Variants in PTPN13 observed in about 807,000 individuals in gnomAD.
The protein encoded by PTPN13 is tyrosine-protein phosphatase non-receptor type 13.
PTPN13 carries 191 observed loss-of-function variants against 284.0 expected under a neutral mutation model. The ratio of observed to expected loss-of-function variants is 0.67; its 90% CI spans 0.60 to 0.76. The LOEUF (loss-of-function observed/expected upper bound fraction) is 0.76. PTPN13 is among the 30% of genes least tolerant of loss of function. The pLI, the probability that PTPN13 is intolerant of heterozygous loss-of-function variation, is 0.00. For missense variants in PTPN13, 2,797 were observed against 2,939.9 expected (o/e 0.95, Z 1.12); for synonymous variants, 986 against 1,022.3 (o/e 0.96, Z 0.68).
chr4:86,739,035 T>A (rs778745585), intron 15 of PTPN13, among the ~76,000 whole-genome samples: 11 of 152,322 alleles, frequency 7.2e-5, no homozygotes, highest in Non-Finnish European at 1.6e-4. Flanking sequence ...CAATTTTTTT[T>A]ATTTTCTAGT....
At chr4:86,808,464 A>G (rs1043028832) in intron 45 of PTPN13, among the ~76,000 whole-genome samples, 3 of 152,168 alleles carry the variant, frequency 2.0e-5, no homozygotes, top group Non-Finnish European at 4.4e-5. Context: ...CCCTCACCTT[A>G]CTACACGCCT....
chr4:86,767,160 A>T (rs980273899), intron 27 of PTPN13, among the ~76,000 whole-genome samples: 1 of 151,338 alleles, frequency 6.6e-6, no homozygotes. Flanking sequence ...TCGAACTCCT[A>T]GACAAGAAGT....
At chr4:86,751,156 C>A in intron 19 of PTPN13, 32 bp downstream of exon 19, 1 of 1,425,018 alleles carries the variant, frequency 7.0e-7, no homozygotes, top group Non-Finnish European at 9.8e-7. Flanking sequence ...TTCTTTGTCC[C>A]ATACCTCATG....
At chr4:86,672,607 G>A (rs559498372) in intron 3 of PTPN13, 64 bp downstream of exon 3, 2 of 1,284,784 alleles carry the variant, frequency 1.6e-6, no homozygotes, top group African/African-American at 1.5e-5. Context: ...TAAAGACAAT[G>A]GGCTACCATG....
intron 41 of PTPN13, among the ~76,000 whole-genome samples, chr4:86,798,836 C>T (rs1235691481): frequency 2.0e-5 from 3 of 152,122 alleles, no homozygotes; most frequent in African/African-American, 4.8e-5. Flanking sequence ...GAAATAAAAC[C>T]ACCACCTTCT....
At chr4:86,665,712 T>C (rs755916402) in intron 2 of PTPN13, among the ~76,000 whole-genome samples, 1 of 152,228 alleles carries the variant, frequency 6.6e-6, no homozygotes, top group Non-Finnish European at 1.5e-5. Flanking sequence ...TATTTTTTTC[T>C]ACGTAAAAGA....
chr4:86,621,612 T>C (rs1721258499), intron 1 of PTPN13, among the ~76,000 whole-genome samples: 1 of 152,214 alleles, frequency 6.6e-6, no homozygotes, highest in Admixed American at 6.5e-5. Flanking sequence ...TTCATCAGTT[T>C]ACTGCAGAAA....
intron 2 of PTPN13, among the ~76,000 whole-genome samples, chr4:86,645,909 TCTCA>T (rs1724371609): frequency 6.6e-6 from 1 of 152,136 alleles, no homozygotes; most frequent in Non-Finnish European, 1.5e-5. Flanking sequence ...GTTTAAGGAC[TCTCA>T]CTACCTGATC....
intron 9 of PTPN13, among the ~76,000 whole-genome samples, chr4:86,720,926 G>A (rs966277662): frequency 3.9e-5 from 6 of 151,954 alleles, no homozygotes; most frequent in Non-Finnish European, 4.4e-5. Flanking sequence ...TGACCAAAAA[G>A]GGCATTCAAA....
intron 2 of PTPN13, among the ~76,000 whole-genome samples, chr4:86,664,410 T>A (rs1003961253): frequency 4.6e-5 from 7 of 152,114 alleles, no homozygotes; most frequent in African/African-American, 1.7e-4. Context: ...TTTTTGTGTG[T>A]GTGTGGTCAG....
chr4:86,714,536 T>TTG (rs1554319411), intron 7 of PTPN13, among the ~76,000 whole-genome samples: 10 of 151,916 alleles, frequency 6.6e-5, no homozygotes, highest in Non-Finnish European at 1.2e-4. Flanking sequence ...CATTCTTCTG[T>TTG]GGGGGGGAAA....
chr4:86,702,445 C>G (rs1255279541), intron 7 of PTPN13, among the ~76,000 whole-genome samples: 1 of 152,102 alleles, frequency 6.6e-6, no homozygotes, highest in African/African-American at 2.4e-5. Flanking sequence ...CTTCATCTCT[C>G]CAAGTCTAAA....
chr4:86,798,147 A>G (rs1743569479), intron 41 of PTPN13, among the ~76,000 whole-genome samples: 1 of 152,180 alleles, frequency 6.6e-6, no homozygotes, highest in African/African-American at 2.4e-5. Context: ...GGAGCCAAAT[A>G]AGGACTCTAA....
At chr4:86,752,970 C>T in intron 19 of PTPN13, 39 bp from the exon 20 acceptor site, 1 of 1,451,974 alleles carries the variant, frequency 6.9e-7, no homozygotes, top group South Asian at 1.3e-5. Flanking sequence ...TAGCATCTGA[C>T]CATCTTATGA....
intron 1 of PTPN13, among the ~76,000 whole-genome samples, chr4:86,624,763 T>C (rs1721643742): frequency 6.6e-6 from 1 of 152,102 alleles, no homozygotes; most frequent in Admixed American, 6.6e-5. Context: ...CAGTGTGCCA[T>C]GATCATGCCT....
At chr4:86,700,062 C>T (rs1210220922) in intron 6 of PTPN13, among the ~76,000 whole-genome samples, 2 of 152,090 alleles carry the variant, frequency 1.3e-5, no homozygotes, top group Non-Finnish European at 2.9e-5. Flanking sequence ...ACAATAAAAG[C>T]ACAATGTTTT....
intron 20 of PTPN13, among the ~76,000 whole-genome samples, chr4:86,755,262 G>T (rs1415289445): frequency 6.6e-6 from 1 of 151,690 alleles, no homozygotes; most frequent in Admixed American, 6.6e-5. Context: ...AGATAAAAAA[G>T]TCATGATTCT....
chr4:86,795,935 T>C (rs1565601164), intron 40 of PTPN13, among the ~76,000 whole-genome samples: 1 of 152,112 alleles, frequency 6.6e-6, no homozygotes, highest in Non-Finnish European at 1.5e-5. Context: ...AAATACCTAA[T>C]GTAAATGATG....
At chr4:86,718,683 T>A (rs373206812) in intron 9 of PTPN13, among the ~76,000 whole-genome samples, 53 of 152,286 alleles carry the variant, frequency 3.5e-4, no homozygotes, top group African/African-American at 1.2e-3. Flanking sequence ...ACTCCTGACG[T>A]CAAGTTATCC....
Sources: gnomAD v4.1 joint callset for allele counts (sites outside exome capture counted in the v4.1 genomes callset) on GRCh38, gnomAD v4.1.1 for gene constraint, MANE v1.5 for transcripts, NCBI Gene and HGNC (gene_info 2026-07-23, HGNC 2026-07-21) for gene names.